Variants in KATNBL1 observed in about 807,000 individuals in gnomAD.
KATNBL1 encodes the protein katanin regulatory subunit B1 like 1.
Under a neutral mutation model 44.7 loss-of-function variants are expected in KATNBL1, and 28 were observed. The observed-to-expected ratio is 0.63, with a 90% CI of 0.46 to 0.86. The LOEUF is 0.86. Among genes scored for constraint, KATNBL1 ranks in the 40% least tolerant of loss-of-function variants. The probability of loss-of-function intolerance (pLI) is 0.00; values close to 1 mark genes in which losing one functional copy is unlikely to be tolerated. For synonymous variants in KATNBL1, 78 were observed against 114.9 expected, an observed-to-expected ratio of 0.68 and a Z score of 2.06; for missense variants, 272 against 350.7, an observed-to-expected ratio of 0.78 and a Z score of 1.79.
chr15:34,202,380 A>G (rs1890194600), intron 1 of KATNBL1, among the ~76,000 whole-genome samples: 1 of 152,146 alleles, frequency 6.6e-6, no homozygotes, highest in South Asian at 2.1e-4. Flanking sequence ...TAAGCCTTGG[A>G]AAAAAGGGTA....
At chr15:34,200,184 C>T (rs1308625100) in intron 1 of KATNBL1, among the ~76,000 whole-genome samples, 1 of 152,150 alleles carries the variant, frequency 6.6e-6, no homozygotes, top group Non-Finnish European at 1.5e-5. Context: ...CTACTCGGAA[C>T]AACTCAAAGT....
chr15:34,148,573 G>A (rs1888378081), intron 5 of KATNBL1, 59 bp downstream of exon 5: 1 of 998,798 alleles, frequency 1.0e-6, no homozygotes, highest in Admixed American at 1.8e-5. Context: ...GGATGACAAA[G>A]CAAGAACTTG....
chr15:34,177,113 G>A (rs1284257726), intron 1 of KATNBL1, among the ~76,000 whole-genome samples: 1 of 152,092 alleles, frequency 6.6e-6, no homozygotes, highest in Non-Finnish European at 1.5e-5. Context: ...ATTGAGAAGA[G>A]GCCAATACAC....
intron 1 of KATNBL1, among the ~76,000 whole-genome samples, chr15:34,200,233 C>A (rs1890143025): frequency 6.6e-6 from 1 of 152,020 alleles, no homozygotes; most frequent in African/African-American, 2.4e-5. Flanking sequence ...AATGATGATT[C>A]ATCACACCAC....
intron 4 of KATNBL1, among the ~76,000 whole-genome samples, chr15:34,150,510 C>T (rs537062380): frequency 4.6e-5 from 7 of 152,276 alleles, no homozygotes; most frequent in African/African-American, 1.4e-4. Context: ...GGGAGGATTG[C>T]TTGAACCTGG....
intron 1 of KATNBL1, among the ~76,000 whole-genome samples, chr15:34,175,514 T>C (rs7180027): frequency 0.98 from 148,819 of 152,266 alleles, 72,810 homozygotes; most frequent in East Asian, 1. Context: ...GACATGTTTA[T>C]TTCTTCAGAG....
At chr15:34,174,806 T>C (rs1468810886) in intron 1 of KATNBL1, among the ~76,000 whole-genome samples, 2 of 152,084 alleles carry the variant, frequency 1.3e-5, no homozygotes, top group African/African-American at 4.8e-5. Context: ...CACACCCAGC[T>C]AATTTTTCTA....
intron 1 of KATNBL1, among the ~76,000 whole-genome samples, chr15:34,199,251 A>T (rs1890104739): frequency 6.6e-6 from 1 of 152,214 alleles, no homozygotes; most frequent in Non-Finnish European, 1.5e-5. Flanking sequence ...AGTCTGGCCA[A>T]CATGGCAAAA....
intron 1 of KATNBL1, among the ~76,000 whole-genome samples, chr15:34,170,104 G>T (rs1042042065): frequency 6.6e-6 from 1 of 152,188 alleles, no homozygotes; most frequent in South Asian, 2.1e-4. Context: ...TCAGGCAAGA[G>T]AAAGAAATAA....
chr15:34,175,371 T>G (rs1282020778), intron 1 of KATNBL1, among the ~76,000 whole-genome samples: 1 of 152,214 alleles, frequency 6.6e-6, no homozygotes, highest in Non-Finnish European at 1.5e-5. Context: ...TCAAAAAGCC[T>G]TGGATTTTGG....
chr15:34,159,663 C>G (rs530628129), intron 2 of KATNBL1, among the ~76,000 whole-genome samples: 8 of 152,072 alleles, frequency 5.3e-5, no homozygotes, highest in African/African-American at 1.9e-4. Flanking sequence ...TTGACCATAC[C>G]TTGGGATGAA....
At chr15:34,189,917 A>G (rs926810084) in intron 1 of KATNBL1, among the ~76,000 whole-genome samples, 47 of 151,494 alleles carry the variant, frequency 3.1e-4, no homozygotes, top group Admixed American at 1.5e-3. Context: ...CAGCACTACT[A>G]TGTGTCAAGA....
chr15:34,181,013 A>C (rs1889501157), intron 1 of KATNBL1, among the ~76,000 whole-genome samples: 1 of 152,186 alleles, frequency 6.6e-6, no homozygotes, highest in Non-Finnish European at 1.5e-5. Flanking sequence ...CTTCAAGCCT[A>C]AATCACCATA....
At position 34,147,254 on chromosome 15, in the gene KATNBL1, C is replaced by T; in HGVS notation, c.644G>A (p.Cys215Tyr). 3.1e-6 allele frequency: 5 copies of T among 1,612,808 alleles called. No homozygotes were observed. Among genetic ancestry groups the T allele is most frequent in the Non-Finnish European group, 4.2e-6 (5 of 1,179,232 alleles). ...QEEKQYISLG[C>Y]CVDLLPLVKS... ...TACTAGAGGCAACAAGTCAACACAG[C>T]AGCCAAGTGAGATATATTGTTTTTC... Residue 215 changes from cysteine (C) to tyrosine (Y), a missense_variant, in exon 7 of 10, where the codon TGC becomes TAC. By Grantham distance (194) the Cys-to-Tyr change is radical. Transcript: ENST00000256544.
chr15:34,192,281 G>C (rs1287131239), intron 1 of KATNBL1, among the ~76,000 whole-genome samples: 4 of 151,948 alleles, frequency 2.6e-5, no homozygotes, highest in Non-Finnish European at 5.9e-5. Flanking sequence ...GCACGTGCCT[G>C]TAATCCCTGC....
chr15:34,169,761 C>T (rs1353235775), intron 1 of KATNBL1, among the ~76,000 whole-genome samples: 1 of 152,214 alleles, frequency 6.6e-6, no homozygotes, highest in Non-Finnish European at 1.5e-5. Context: ...GGCTTCATCC[C>T]TGGGATGCAA....
intron 1 of KATNBL1, among the ~76,000 whole-genome samples, chr15:34,163,978 C>T (rs920910962): frequency 2.6e-5 from 4 of 151,996 alleles, no homozygotes; most frequent in African/African-American, 7.3e-5. Flanking sequence ...TTGCAACCTC[C>T]GCCTCCTGGG....
At chr15:34,190,292 A>G (rs992315857) in intron 1 of KATNBL1, among the ~76,000 whole-genome samples, 1 of 152,206 alleles carries the variant, frequency 6.6e-6, no homozygotes, top group Non-Finnish European at 1.5e-5. Flanking sequence ...GTGGGGACGA[A>G]TAACAAGGAA....
intron 1 of KATNBL1, among the ~76,000 whole-genome samples, chr15:34,190,713 C>G: frequency 6.6e-6 from 1 of 152,060 alleles, no homozygotes; most frequent in East Asian, 1.9e-4. Flanking sequence ...AAAGAGACAA[C>G]CAGACATTAT....
Sources: gnomAD v4.1 joint callset for allele counts (sites outside exome capture counted in the v4.1 genomes callset) on GRCh38, gnomAD v4.1.1 for gene constraint, MANE v1.5 for transcripts, NCBI Gene and HGNC (gene_info 2026-07-23, HGNC 2026-07-21) for gene names.